Variants in BABAM1 observed in about 807,000 individuals in gnomAD.
BABAM1 encodes BRISC and BRCA1-A complex member 1.
BABAM1 carries 14 observed loss-of-function variants against 34.4 expected under a neutral mutation model. That is an observed-to-expected ratio of 0.41 (90% CI 0.27 to 0.64). The LOEUF is 0.64. BABAM1 is among the 30% of genes least tolerant of loss of function. The probability of loss-of-function intolerance (pLI) is 0.34; values close to 1 mark genes in which losing one functional copy is unlikely to be tolerated. For missense variants in BABAM1, 393 were observed against 434.0 expected, an observed-to-expected ratio of 0.91 and a Z score of 0.84; for synonymous variants, 169 against 165.8, an observed-to-expected ratio of 1.02 and a Z score of -0.15.
intron 3 of BABAM1, among the ~76,000 whole-genome samples, chr19:17,273,274 T>C (rs2073863661): frequency 6.6e-6 from 1 of 152,150 alleles, no homozygotes; most frequent in African/African-American, 2.4e-5. Flanking sequence ...AGGACCTGGA[T>C]GGGGCTTGAG....
At chr19:17,277,192 C>A in intron 8 of BABAM1, 1 of 297,546 alleles carries the variant, frequency 3.4e-6, no homozygotes, top group Non-Finnish European at 5.9e-6. Flanking sequence ...GCTTGCTTTT[C>A]TTTCTTCTTC....
chr19:17,276,600 G>C lies in BABAM1; in HGVS notation c.675G>C (p.Gln225His), dbSNP rs1388321016. The change falls in exon 7 of 9, where the codon CAG becomes CAC. Residue 225 changes from glutamine (Q) to histidine (H), a missense_variant. Transcript: ENST00000598188. ...LVYSRPPCQP[Q>H]FSLTEPMKKM... ...ACAGCCGTCCACCTTGCCAGCCCCA[G>C]TTCTCCTTGACGGAGCCCATGAAGG... 1 of 1,606,498 alleles carries C rather than the reference G, an allele frequency of 6.2e-7. No homozygotes were observed.
intron 8 of BABAM1, among the ~76,000 whole-genome samples, chr19:17,277,996 G>GGTTT (rs2073930703): frequency 6.6e-6 from 1 of 151,726 alleles, no homozygotes; most frequent in African/African-American, 2.4e-5. Flanking sequence ...CCAACATGGA[G>GGTTT]AAACCCTGTC....
rs766735279 is a variant in BABAM1, at chr19:17,268,865, C to G, written c.59C>G (p.Ser20Trp). Reference sequence around the variant, plus strand: ...GAGGAGGAGGAGGAAGAGGAGCACTCGGCAGAGCCTCGGCCCCGCACTCGC... The same window carrying G: ...GAGGAGGAGGAGGAAGAGGAGCACTGGGCAGAGCCTCGGCCCCGCACTCGC... ...TEEEEEEEEH[S>W]AEPRPRTRSN... is the part of the protein sequence containing the mutation. The change falls in exon 2 of 9, where the codon TCG becomes TGG. Residue 20 changes from serine (S) to tryptophan (W), a missense_variant. Coordinates refer to ENST00000598188, the MANE Select transcript of BABAM1 (RefSeq NM_014173.4). 1 of 1,606,654 alleles carries G rather than the reference C, an allele frequency of 6.2e-7. No homozygotes were observed. The highest frequency in any genetic ancestry group is 8.5e-7 in the Non-Finnish European group (1 of 1,176,974).
At chr19:17,277,018 C>A in intron 8 of BABAM1, 109 bp downstream of exon 8, 1 of 1,081,040 alleles carries the variant, frequency 9.3e-7, no homozygotes, top group Admixed American at 2.3e-5. Flanking sequence ...CCCCTGGAAC[C>A]CTGGTTGGGG....
At position 17,273,564 on chromosome 19, in the gene BABAM1, G is replaced by GTTTTTTTTTT. The variant is rs754203595; in HGVS notation, c.345-332_345-323dup. Among the ~76,000 whole-genome samples, 25 of 45,918 alleles carry GTTTTTTTTTT rather than the reference G, an allele frequency of 5.4e-4. 1 individual carries two copies. Among genetic ancestry groups the GTTTTTTTTTT allele is most frequent in the South Asian group, 1.3e-3 (2 of 1,546 alleles). 30.1% of individuals were successfully genotyped at this position (45,918 alleles called of 152,430 possible). A position where few individuals can be genotyped will look rare whatever the true frequency, so the allele number is the denominator to read the frequency against. On this transcript the variant is annotated intron_variant, in intron 3 of 8. Coordinates refer to ENST00000598188, the MANE Select transcript of BABAM1 (RefSeq NM_014173.4). ...AAGGAAGTTTTTTTTTGTTTGTTTT[G>GTTTTTTTTTT]TTTTTTTTTTTTTTTTTGAGACAGA...
intron 5 of BABAM1, among the ~76,000 whole-genome samples, chr19:17,275,001 C>T (rs2073892058): frequency 6.6e-6 from 1 of 151,994 alleles, no homozygotes; most frequent in Non-Finnish European, 1.5e-5. Context: ...CACCTCCCAG[C>T]TTCAAGCGAT....
At chr19:17,274,571 T>TAA in intron 5 of BABAM1, 1 of 166,562 alleles carries the variant, frequency 6.0e-6, no homozygotes, top group Non-Finnish European at 1.3e-5. Flanking sequence ...CCGTCTTTTT[T>TAA]AAAAAAAAAA....
rs2073910511 is a variant in BABAM1, at chr19:17,276,532, C to T, written c.607C>T (p.Gln203Ter). 6.3e-7 allele frequency: 1 copy of T among 1,593,490 alleles called. No homozygotes were observed. The highest frequency in any genetic ancestry group is 8.5e-7 in the Non-Finnish European group (1 of 1,170,316). ...TGAGCTTCCGGTCACAGAGAACGTG[C>T]AGACGATTCCCCCGCCATATGTGGT... ...KTELPVTENV[Q>*]TIPPPYVVRT... Residue 203 changes from glutamine (Q) to a stop codon, truncating the protein, a stop_gained, in exon 7 of 9, where the codon CAG becomes TAG. Transcript: ENST00000598188. LOFTEE classifies it high-confidence loss of function.
intron 2 of BABAM1, among the ~76,000 whole-genome samples, chr19:17,270,986 G>A (rs1349586828): frequency 6.7e-6 from 1 of 149,624 alleles, no homozygotes; most frequent in Non-Finnish European, 1.5e-5. Flanking sequence ...CACCACGCCT[G>A]GCCTCTTTTT....
intron 1 of BABAM1, chr19:17,268,539 C>T (rs929641627): frequency 9.9e-6 from 3 of 304,250 alleles, no homozygotes; most frequent in African/African-American, 4.3e-5. Context: ...AAGCGATTCT[C>T]CTGCCTCAGC....
intron 3 of BABAM1, among the ~76,000 whole-genome samples, chr19:17,273,555 GTTTGTTTTGTTT>G (rs2073868258): frequency 7.6e-5 from 1 of 13,228 alleles, no homozygotes; most frequent in Non-Finnish European, 2.4e-4. Context: ...GTTTTTTTTT[GTTTGTTTTGTTT>G]TTTTTTTTTT....
chr19:17,275,693 T>A (rs769683194), intron 5 of BABAM1, 108 bp from the exon 6 acceptor site: 1 of 1,415,644 alleles, frequency 7.1e-7, no homozygotes, highest in Non-Finnish European at 1.0e-6. Context: ...CAGGGTCACA[T>A]GGTGCGTCCC....
intron 1 of BABAM1, among the ~76,000 whole-genome samples, chr19:17,267,761 T>C (rs563972933): frequency 1.3e-5 from 2 of 152,344 alleles, no homozygotes; most frequent in Non-Finnish European, 2.9e-5. Flanking sequence ...ATAGACAAAC[T>C]GCTCCATTCG....
At chr19:17,273,522 T>C (rs987405544) in intron 3 of BABAM1, among the ~76,000 whole-genome samples, 2 of 150,964 alleles carry the variant, frequency 1.3e-5, no homozygotes, top group Non-Finnish European at 2.9e-5. Context: ...TGCAGGGTTT[T>C]CAGAGGAGGG....
chr19:17,278,499 C>T (rs1176523640), intron 8 of BABAM1, among the ~76,000 whole-genome samples: 1 of 151,720 alleles, frequency 6.6e-6, no homozygotes, highest in Non-Finnish European at 1.5e-5. Flanking sequence ...TTAGTAGAGA[C>T]GGGGTTTCAC....
At chr19:17,271,936 T>C (rs1276823888) in intron 3 of BABAM1, among the ~76,000 whole-genome samples, 1 of 152,100 alleles carries the variant, frequency 6.6e-6, no homozygotes, top group African/African-American at 2.4e-5. Flanking sequence ...TATGTGTATG[T>C]ATGTATGTAT....
rs1344529014 is a variant in BABAM1, at chr19:17,268,728, C to T, written c.-13-66C>T. 8 of 1,459,482 alleles carry T rather than the reference C, an allele frequency of 5.5e-6. No individual in the cohort carries two copies. The South Asian group carries it at 5.7e-5, about 10-fold the overall frequency. 90.4% of individuals were successfully genotyped at this position (1,459,482 alleles called of 1,614,324 possible). On this transcript the variant is annotated intron_variant, in intron 1 of 8. Transcript: ENST00000598188. Reference sequence around the variant, plus strand: ...ACAGGCATGAGCCACCGTGCCCGACCGTAACCAAATGTTTTTAAAACTCCA... The same window carrying T: ...ACAGGCATGAGCCACCGTGCCCGACTGTAACCAAATGTTTTTAAAACTCCA...
chr19:17,269,175 C>G (rs2073807770), intron 2 of BABAM1, 84 bp downstream of exon 2: 1 of 1,418,188 alleles, frequency 7.1e-7, no homozygotes, highest in Admixed American at 2.8e-5. Flanking sequence ...CAAACATTCC[C>G]TTTGTATTCG....
Sources: allele counts gnomAD v4.1 joint callset (sites outside exome capture counted in the v4.1 genomes callset), GRCh38; gene constraint gnomAD v4.1.1; transcripts MANE v1.5; gene names NCBI Gene and HGNC (gene_info 2026-07-23, HGNC 2026-07-21).